The following SAR1A variants were observed in gnomAD, a reference collection of about 807,000 sequenced individuals.
The protein encoded by SAR1A is small COPII coat GTPase SAR1A.
A neutral mutation model predicts 22.6 loss-of-function variants in SAR1A; 6 were observed. The ratio of observed to expected loss-of-function variants is 0.27; its 90% CI spans 0.15 to 0.52. The LOEUF (loss-of-function observed/expected upper bound fraction) is 0.52. SAR1A is among the 20% of genes least tolerant of loss of function. The pLI is 0.96. For synonymous variants in SAR1A, 70 were observed against 82.2 expected, an observed-to-expected ratio of 0.85 and a Z score of 0.80; for missense variants, 145 against 245.1, an observed-to-expected ratio of 0.59 and a Z score of 2.73.
At chr10:70,165,548 A>C (rs920239348) in intron 1 of SAR1A, among the ~76,000 whole-genome samples, 2 of 152,202 alleles carry the variant, frequency 1.3e-5, no homozygotes, top group Non-Finnish European at 2.9e-5. Context: ...AGAGAACTAG[A>C]ATTAGAAGTA....
At chr10:70,167,892 T>C (rs2136724640) in intron 1 of SAR1A, among the ~76,000 whole-genome samples, 1 of 152,386 alleles carries the variant, frequency 6.6e-6, no homozygotes, top group African/African-American at 2.4e-5. Flanking sequence ...TAGTTTTCTC[T>C]GGAAATTGAG....
chr10:70,162,287 G>A (rs1839479742), intron 1 of SAR1A, among the ~76,000 whole-genome samples: 1 of 150,852 alleles, frequency 6.6e-6, no homozygotes, highest in Non-Finnish European at 1.5e-5. Context: ...CTGCAGTGAG[G>A]CATGACGGTG....
intron 5 of SAR1A, among the ~76,000 whole-genome samples, chr10:70,157,398 C>T (rs1839403979): frequency 1.8e-5 from 2 of 110,138 alleles, no homozygotes; most frequent in Non-Finnish European, 3.5e-5. Flanking sequence ...AGCAAGACTC[C>T]GTCAAAAAAA....
At position 70,152,389 on chromosome 10, in the gene SAR1A, C is replaced by G. The variant is rs1839336389; in HGVS notation, c.*87G>C. 2 of 1,120,610 alleles carry G rather than the reference C, an allele frequency of 1.8e-6. No homozygotes were observed. Among genetic ancestry groups the G allele is most frequent in the East Asian group, 2.4e-5 (1 of 42,282 alleles). The allele number at this position is 1,120,610 out of a possible 1,614,324, so 69.4% of individuals were successfully genotyped here. ...ACGCCAGACATGGTTGGAGAGCTTT[C>G]CTTGTTCTATTAGAAAAGTTCATGA... is the stretch of plus-strand genomic sequence containing the variant. On this transcript the variant is annotated 3_prime_UTR_variant, in exon 7 of 7. Coordinates refer to ENST00000373241, the MANE Select transcript of SAR1A (RefSeq NM_020150.5).
intron 4 of SAR1A, among the ~76,000 whole-genome samples, chr10:70,159,564 G>A: frequency 6.6e-6 from 1 of 152,078 alleles, no homozygotes; most frequent in Non-Finnish European, 1.5e-5. Context: ...TTGAGCCCAG[G>A]AAGTAGAGGT....
intron 4 of SAR1A, 49 bp downstream of exon 4, chr10:70,160,954 CA>C: frequency 7.5e-7 from 1 of 1,333,906 alleles, no homozygotes; most frequent in African/African-American, 1.5e-5. Context: ...AGCTGGGAGG[CA>C]CAAAAAAAAT....
rs886672069 is a variant in SAR1A, at chr10:70,164,046, G to A, written c.-16-2115C>T. The A allele has an allele frequency of 7.4e-6, 6 of 806,026 alleles. No individual in the cohort carries two copies. In the African/African-American group the frequency reaches 1.0e-4, roughly 14 times the overall value. The allele number at this position is 806,026 out of a possible 1,614,324, so 49.9% of individuals were successfully genotyped here. A position where few individuals can be genotyped will look rare whatever the true frequency, so the allele number is the denominator to read the frequency against. On this transcript the variant is annotated intron_variant, in intron 1 of 6. Transcript: ENST00000373241. Reference sequence around the variant, plus strand: ...TGGAGTGAAGTTAACAGATGAAGAAGTTGATTAAATGATCAGGGAAGCAGA... The same window carrying A: ...TGGAGTGAAGTTAACAGATGAAGAAATTGATTAAATGATCAGGGAAGCAGA...
chr10:70,160,938 A>G (rs1049467187), intron 4 of SAR1A, 66 bp downstream of exon 4: 7 of 1,052,782 alleles, frequency 6.6e-6, no homozygotes, highest in Middle Eastern at 2.2e-4. Flanking sequence ...CACTGCTTTT[A>G]AAAGGAGCTG....
Position 70,153,986 on chromosome 10 carries a change from A to T in SAR1A, c.349-17T>A. 2.0e-6 allele frequency: 3 copies of T among 1,533,728 alleles called. No homozygotes were observed. Among genetic ancestry groups the T allele is most frequent in the Non-Finnish European group, 2.6e-6 (3 of 1,144,766 alleles). ...CATTAAAGCCTAAAGATTGAAAAAA[A>T]AGAAAAAAAGAAAAAAAAGAATTAA... On this transcript the variant is annotated splice_polypyrimidine_tract_variant and intron_variant, in intron 5 of 6. Coordinates refer to ENST00000373241, the MANE Select transcript of SAR1A (RefSeq NM_020150.5).
At chr10:70,163,822 C>T in intron 1 of SAR1A, 1 of 1,484,416 alleles carries the variant, frequency 6.7e-7, no homozygotes, top group Non-Finnish European at 9.4e-7. Context: ...CCCACAGAAG[C>T]AGAGTTACAG....
At position 70,157,710 on chromosome 10, in the gene SAR1A, G is replaced by T. The variant is rs775438000; in HGVS notation, c.348+54C>A. On this transcript the variant is annotated intron_variant, in intron 5 of 6. Coordinates refer to ENST00000373241, the MANE Select transcript of SAR1A (RefSeq NM_020150.5). The stretch of plus-strand genomic sequence containing the variant: ...GCTATATTCCTTAAAAAAAAATAGA[G>T]GCCAAAAAAGAACAAAATATACATT... 706 of 1,349,998 alleles carry T rather than the reference G, an allele frequency of 5.2e-4. 2 individuals carry two copies. The highest frequency in any genetic ancestry group is 7.2e-4 in the Non-Finnish European group (688 of 958,798). 83.6% of individuals were successfully genotyped at this position (1,349,998 alleles called of 1,614,324 possible).
In SAR1A at chr10:70,152,321, C is replaced by T. The variant is rs1839335766; in HGVS notation, c.*155G>A. 1 of 891,362 alleles carries T rather than the reference C, an allele frequency of 1.1e-6. No individual in the cohort carries two copies. The highest frequency in any genetic ancestry group is 1.8e-6 in the Non-Finnish European group (1 of 565,158). The allele number at this position is 891,362 out of a possible 1,614,324, so 55.2% of individuals were successfully genotyped here. Reference sequence around the variant, plus strand: ...ACAGTGTGGAGAAGAGCACATGTCACCACTGGGCAATGAGAGAGTTGACAG... The same window carrying T: ...ACAGTGTGGAGAAGAGCACATGTCATCACTGGGCAATGAGAGAGTTGACAG... On this transcript the variant is annotated 3_prime_UTR_variant, in exon 7 of 7. Coordinates refer to ENST00000373241, the MANE Select transcript of SAR1A (RefSeq NM_020150.5).
chr10:70,157,223 T>C (rs551453259), intron 5 of SAR1A, among the ~76,000 whole-genome samples: 2 of 151,988 alleles, frequency 1.3e-5, no homozygotes, highest in African/African-American at 4.8e-5. Context: ...ACTAACATGG[T>C]GAAACTCCGT....
At position 70,158,244 on chromosome 10, in the gene SAR1A, TCACTTA is replaced by T. The variant is rs575119539; in HGVS notation, c.245-383_245-378del. ...CTGTCTTACAGTCAGCCAATTTTAC[TCACTTA>T]AATGACTTGCCTTGCCCCTGGGGCC... On this transcript the variant is annotated intron_variant, in intron 4 of 6. Coordinates refer to ENST00000373241, the MANE Select transcript of SAR1A (RefSeq NM_020150.5). 3.6e-3 allele frequency among the ~76,000 whole-genome samples: 550 copies of T among 152,358 alleles called. 7 individuals are homozygous for T. The highest frequency in any genetic ancestry group is 5.6e-3 in the Non-Finnish European group (381 of 68,030).
chr10:70,166,030 C>T (rs1430324811), intron 1 of SAR1A, among the ~76,000 whole-genome samples: 2 of 152,192 alleles, frequency 1.3e-5, no homozygotes, highest in African/African-American at 2.4e-5. Flanking sequence ...TCGCAGAAGG[C>T]TCCGATGCTT....
At chr10:70,164,180 C>T (rs1233024813) in intron 1 of SAR1A, 7 of 636,620 alleles carry the variant, frequency 1.1e-5, no homozygotes, top group African/African-American at 7.3e-5. Context: ...GTTTATTTGC[C>T]TTTTGTTTGT....
chr10:70,152,206 A>T lies in SAR1A; in HGVS notation c.*270T>A. 1 of 537,964 alleles carries T rather than the reference A, an allele frequency of 1.9e-6. No individual in the cohort carries two copies. The highest frequency in any genetic ancestry group is 1.8e-5 in the South Asian group (1 of 54,600). The allele number at this position is 537,964 out of a possible 1,614,324, so 33.3% of individuals were successfully genotyped here. A position where few individuals can be genotyped will look rare whatever the true frequency, so the allele number is the denominator to read the frequency against. ...TGTTTTTCTTTTCAGGTGCCCCATG[A>T]TGGCATACAGCTTTACCCGGCAAAT... On this transcript the variant is annotated 3_prime_UTR_variant, in exon 7 of 7. Coordinates refer to ENST00000373241, the MANE Select transcript of SAR1A (RefSeq NM_020150.5).
intron 2 of SAR1A, 32 bp from the exon 3 acceptor site, chr10:70,161,770 C>G: frequency 2.5e-6 from 4 of 1,613,712 alleles, no homozygotes; most frequent in Admixed American, 3.3e-5. Flanking sequence ...AACACATTTG[C>G]TCTCTACAGA....
In SAR1A at chr10:70,161,043, T is replaced by C; in HGVS notation, c.205A>G (p.Met69Val). Residue 69 changes from methionine (M) to valine (V), a missense_variant, in exon 4 of 7, where the codon ATG becomes GTG. Met to Val is a conservative substitution (Grantham distance 21, BLOSUM62 1). Coordinates refer to ENST00000373241, the MANE Select transcript of SAR1A (RefSeq NM_020150.5). The stretch of plus-strand genomic sequence containing the variant: ...CCAAGATCAAAAGTTGTAAAGGTCA[T>C]TCCAGCAATTGTTAGCTCTTCTGAT... ...PTSEELTIAGMTFTTFDLGGH... is the reference protein window; with the variant it reads ...PTSEELTIAGVTFTTFDLGGH... The C allele has an allele frequency of 6.2e-7, 1 of 1,613,154 alleles. No individual in the cohort carries two copies. The highest frequency in any genetic ancestry group is 8.5e-7 in the Non-Finnish European group (1 of 1,179,458).
Sources: gnomAD v4.1 joint callset for allele counts (sites outside exome capture counted in the v4.1 genomes callset) on GRCh38, gnomAD v4.1.1 for gene constraint, MANE v1.5 for transcripts, NCBI Gene and HGNC (gene_info 2026-07-23, HGNC 2026-07-21) for gene names.